Variants in COPS3 observed in about 807,000 individuals in gnomAD.
COPS3 encodes the protein COP9 signalosome subunit 3.
In COPS3, 10 loss-of-function variants were observed where a neutral mutation model predicts 58.2. The ratio of observed to expected loss-of-function variants is 0.17; its 90% CI spans 0.11 to 0.29. COPS3 has a LOEUF of 0.29. Among genes scored for constraint, COPS3 ranks in the 10% least tolerant of loss-of-function variants. The probability of loss-of-function intolerance (pLI) is 1.00; values close to 1 mark genes in which losing one functional copy is unlikely to be tolerated. For synonymous variants in COPS3, 187 were observed against 181.7 expected (o/e 1.03, Z -0.24); for missense variants, 333 against 510.1 (o/e 0.65, Z 3.34).
At chr17:17,271,955 G>A (rs984736310) in intron 2 of COPS3, among the ~76,000 whole-genome samples, 4 of 146,492 alleles carry the variant, frequency 2.7e-5, no homozygotes, top group Admixed American at 2.1e-4. Context: ...TGTTTAATAA[G>A]GAACAACTTT....
At chr17:17,276,461 C>T (rs528540807) in intron 1 of COPS3, among the ~76,000 whole-genome samples, 27 of 152,294 alleles carry the variant, frequency 1.8e-4, no homozygotes, top group African/African-American at 6.3e-4. Flanking sequence ...ATTAACAGCT[C>T]TCTGCATCCA....
At chr17:17,248,885 AC>A in intron 10 of COPS3, 40 bp downstream of exon 10, 1 of 1,251,084 alleles carries the variant, frequency 8.0e-7, no homozygotes. Flanking sequence ...ATACATCTCA[AC>A]CATCAATTAA....
At chr17:17,275,660 AG>A (rs2048445914) in intron 2 of COPS3, among the ~76,000 whole-genome samples, 1 of 152,130 alleles carries the variant, frequency 6.6e-6, no homozygotes, top group Non-Finnish European at 1.5e-5. Context: ...AAATAAAGCC[AG>A]GGCTGGGCGT....
At chr17:17,279,909 C>T (rs766055224) in intron 1 of COPS3, among the ~76,000 whole-genome samples, 2 of 152,142 alleles carry the variant, frequency 1.3e-5, no homozygotes, top group Admixed American at 6.6e-5. Context: ...TACATTCATA[C>T]GCAATGAATG....
intron 8 of COPS3, among the ~76,000 whole-genome samples, chr17:17,255,839 AAAATAAATAAAT>A (rs144619560): frequency 2.5e-4 from 32 of 127,428 alleles, no homozygotes; most frequent in East Asian, 4.6e-4. Context: ...ACTCCATCTC[AAAATAAATAAAT>A]AAATAAATAA....
chr17:17,264,907 C>T lies in COPS3; in HGVS notation c.516G>A (p.Glu172=). ...LDVDMMDICK[E]NGAYDAKHFL... The stretch of plus-strand genomic sequence containing the variant: ...AGTGTTTTGCATCATAGGCTCCATT[C>T]TCTTTACAGATATCCATCATATCCA... The change falls in exon 6 of 12, where the codon GAG becomes GAA. Residue 172 remains glutamate (E), a synonymous_variant. Transcript: ENST00000268717. The T allele has an allele frequency of 6.2e-7, 1 of 1,613,914 alleles. No homozygotes were observed. The highest frequency in any genetic ancestry group is 8.5e-7 in the Non-Finnish European group (1 of 1,179,884).
chr17:17,275,985 C>G (rs4985760), intron 2 of COPS3, 50 bp downstream of exon 2: 1,032,257 of 1,519,214 alleles, frequency 0.68, 352,819 homozygotes, highest in East Asian at 0.84. Context: ...AGGAAGTGCA[C>G]AGTGTTCCAT....
chr17:17,269,298 A>G (rs1567858882), intron 4 of COPS3, among the ~76,000 whole-genome samples: 1 of 152,124 alleles, frequency 6.6e-6, no homozygotes, highest in Non-Finnish European at 1.5e-5. Context: ...GGTGTCAGGC[A>G]CCTGTAATCC....
At position 17,247,111 on chromosome 17, in the gene COPS3, G is replaced by C. The variant is rs2047740596; in HGVS notation, c.1259C>G (p.Ser420Cys). The C allele has an allele frequency of 6.2e-7, 1 of 1,613,728 alleles. No individual in the cohort carries two copies. The highest frequency in any genetic ancestry group is 2.2e-5 in the East Asian group (1 of 44,888). The change falls in exon 12 of 12, where the codon TCC (serine) becomes TGC (cysteine). Residue 420 changes from serine (S) to cysteine (C), a missense_variant. Ser to Cys is a moderately radical substitution (Grantham distance 112). Coordinates refer to ENST00000268717, the MANE Select transcript of COPS3 (RefSeq NM_003653.4). ...SQEDDSGNKP[S>C]SYS ...TGGATGTTAGTTTCAAGAATAACTG[G>C]ATGGTTTGTTTCCTGAATCATCTTC...
intron 5 of COPS3, among the ~76,000 whole-genome samples, chr17:17,265,319 T>TTGGGTTTCAAATTTTC (rs1567855861): frequency 3.3e-5 from 5 of 151,846 alleles, no homozygotes; most frequent in Non-Finnish European, 7.4e-5. Context: ...TTCAAATTTT[T>TTGGGTTTCAAATTTTC]GGATTGGGTT....
chr17:17,270,649 T>C (rs2048323889), intron 4 of COPS3, 109 bp downstream of exon 4: 2 of 961,716 alleles, frequency 2.1e-6, no homozygotes, highest in Admixed American at 4.7e-5. Context: ...ACCACAGATA[T>C]CTAGGTGGTG....
intron 9 of COPS3, 92 bp downstream of exon 9, chr17:17,254,767 G>A: frequency 1.4e-6 from 1 of 717,520 alleles, no homozygotes; most frequent in Admixed American, 3.1e-5. Flanking sequence ...CCAAGACTGT[G>A]CCACTACACT....
At chr17:17,277,382 T>C (rs770735028) in intron 1 of COPS3, among the ~76,000 whole-genome samples, 9 of 152,210 alleles carry the variant, frequency 5.9e-5, no homozygotes, top group Admixed American at 1.3e-4. Context: ...AATCTCCTAA[T>C]TGATCTATTT....
chr17:17,265,039 G>A (rs1463763790), intron 5 of COPS3, 58 bp from the exon 6 acceptor site: 34 of 1,459,896 alleles, frequency 2.3e-5, no homozygotes, highest in Non-Finnish European at 3.2e-5. Flanking sequence ...GGTATTAGCA[G>A]AAGGAGAAAA....
chr17:17,263,505 C>CTTTT lies in COPS3; in HGVS notation c.621+1293_621+1296dup, dbSNP rs1400982096. ...TGAGCCACCTCACCCAGCCTCTTGC[C>CTTTT]TTTTCTTTTTTTTTTTTTTTTTTTT... On this transcript the variant is annotated intron_variant, in intron 6 of 11. Coordinates refer to ENST00000268717, the MANE Select transcript of COPS3 (RefSeq NM_003653.4). 3.1e-3 allele frequency among the ~76,000 whole-genome samples: 332 copies of CTTTT among 108,354 alleles called. 10 individuals carry two copies. Among genetic ancestry groups the CTTTT allele is most frequent in the East Asian group, 8.1e-3 (25 of 3,070 alleles). The allele number at this position is 108,354 out of a possible 152,430, so 71.1% of individuals were successfully genotyped here.
At chr17:17,264,756 A>G (rs905691471) in intron 6 of COPS3, 46 bp downstream of exon 6, 2 of 1,537,750 alleles carry the variant, frequency 1.3e-6, no homozygotes, top group African/African-American at 2.8e-5. Context: ...CACTTTTTTG[A>G]TCACACAAGT....
At chr17:17,271,629 G>C (rs1431287153) in intron 2 of COPS3, among the ~76,000 whole-genome samples, 2 of 150,808 alleles carry the variant, frequency 1.3e-5, no homozygotes, top group African/African-American at 4.9e-5. Context: ...AGACCAGCCT[G>C]ATCAACATGG....
intron 1 of COPS3, among the ~76,000 whole-genome samples, chr17:17,278,294 C>G (rs1218799030): frequency 2.6e-5 from 4 of 152,216 alleles, no homozygotes; most frequent in African/African-American, 9.6e-5. Context: ...GCATTAACCT[C>G]AAGTTTCCAA....
At position 17,246,789 on chromosome 17, in the gene COPS3, AGAG is replaced by A. The variant is rs2047734957; in HGVS notation, c.*306_*308del. The stretch of plus-strand genomic sequence containing the variant: ...AATGAATGTGCTTATTAAAAACTTC[AGAG>A]GAGAAAAAAGTGATACAGAAGACAC... On this transcript the variant is annotated 3_prime_UTR_variant, in exon 12 of 12. Coordinates refer to ENST00000268717, the MANE Select transcript of COPS3 (RefSeq NM_003653.4). 6.6e-6 allele frequency: 2 copies of A among 302,172 alleles called. No individual in the cohort carries two copies. The highest frequency in any genetic ancestry group is 1.2e-5 in the Non-Finnish European group (2 of 162,052). 18.7% of individuals were successfully genotyped at this position (302,172 alleles called of 1,614,324 possible). A position where few individuals can be genotyped will look rare whatever the true frequency, so the allele number is the denominator to read the frequency against.
Sources: allele counts gnomAD v4.1 joint callset (sites outside exome capture counted in the v4.1 genomes callset), GRCh38; gene constraint gnomAD v4.1.1; transcripts MANE v1.5; gene names NCBI Gene and HGNC (gene_info 2026-07-23, HGNC 2026-07-21).